Variants in NAV2 observed in about 807,000 individuals in gnomAD.
NAV2 encodes neuron navigator 2, also known as helicase, APC down-regulated 1.
A neutral mutation model predicts 223.2 loss-of-function variants in NAV2; 54 were observed. The ratio of observed to expected loss-of-function variants is 0.24; its 90% confidence interval spans 0.19 to 0.30. The LOEUF (loss-of-function observed/expected upper bound fraction) is 0.30. NAV2 is among the 10% of genes least tolerant of loss of function. The probability of loss-of-function intolerance (pLI) is 1.00; values close to 1 mark genes in which losing one functional copy is unlikely to be tolerated. For synonymous variants in NAV2, 1,279 were observed against 1,239.3 expected (o/e 1.03, Z -0.67); for missense variants, 2,806 against 3,147.5 (o/e 0.89, Z 2.60).
intron 1 of NAV2, among the ~76,000 whole-genome samples, chr11:19,728,031 G>A (rs1203194272): frequency 6.6e-6 from 1 of 152,240 alleles, no homozygotes; most frequent in Admixed American, 6.5e-5. Context: ...ACCTGGTCCT[G>A]AGCAGGGACA....
At chr11:19,614,106 C>G (rs1175805721) in intron 1 of NAV2, among the ~76,000 whole-genome samples, 1 of 152,120 alleles carries the variant, frequency 6.6e-6, no homozygotes, top group Non-Finnish European at 1.5e-5. Flanking sequence ...TGTGGTCTTA[C>G]CCTTGGTGGA....
In NAV2 at chr11:19,933,973, C is replaced by T. The variant is rs140693265; in HGVS notation, c.1729C>T (p.Pro577Ser). 6,199 of 1,597,100 alleles carry T rather than the reference C, an allele frequency of 3.9e-3. 18 individuals carry two copies. Among genetic ancestry groups the T allele is most frequent in the Non-Finnish European group, 4.9e-3 (5,743 of 1,173,292 alleles). ...AATGAAAAGCATGCCCGGGAAATCCCCAAGTGCCCCAGCGCCTTCCAAGGA... is the reference window on the plus strand; with the variant it reads ...AATGAAAAGCATGCCCGGGAAATCCTCAAGTGCCCCAGCGCCTTCCAAGGA... ...PGMKSMPGKS[P>S]SAPAPSKEGE... Residue 577 changes from proline to serine, a missense_variant, in exon 7 of 38, where the codon CCA becomes TCA. Pro to Ser is a moderately conservative substitution (Grantham distance 74). This residue lies in a region of NAV2 where 1,167 missense variants were observed against 1,180.5 expected (regional missense o/e 0.99). Coordinates refer to ENST00000349880, the MANE Select transcript of NAV2 (RefSeq NM_145117.5). The surrounding 1 kb of genome is among the most constrained non-coding windows in gnomAD (Gnocchi z 4.3).
At chr11:19,859,765 G>A (rs1381605101) in intron 3 of NAV2, among the ~76,000 whole-genome samples, 1 of 150,232 alleles carries the variant, frequency 6.7e-6, no homozygotes, top group Admixed American at 6.6e-5. Flanking sequence ...TGGCCGGGTG[G>A]GGGGCTGACC....
intron 1 of NAV2, among the ~76,000 whole-genome samples, chr11:19,733,004 G>A (rs1201271501): frequency 1.3e-5 from 2 of 152,238 alleles, no homozygotes; most frequent in Admixed American, 1.3e-4. Flanking sequence ...GAACACAAAA[G>A]CAGCTTTGAA....
intron 7 of NAV2, among the ~76,000 whole-genome samples, chr11:19,937,132 T>C (rs1345796084): frequency 6.6e-6 from 1 of 152,192 alleles, no homozygotes; most frequent in Non-Finnish European, 1.5e-5. Flanking sequence ...AACGAGACTG[T>C]CTCAAAAACA....
intron 1 of NAV2, among the ~76,000 whole-genome samples, chr11:19,727,037 C>T (rs2051312201): frequency 6.6e-6 from 1 of 152,166 alleles, no homozygotes; most frequent in East Asian, 1.9e-4. Flanking sequence ...TTCCGAAATC[C>T]ATAGCTACTC....
At chr11:19,667,457 G>A (rs7350533) in intron 1 of NAV2, among the ~76,000 whole-genome samples, 112,032 of 152,178 alleles carry the variant, frequency 0.74, 45,896 homozygotes, top group Non-Finnish European at 0.91. Flanking sequence ...GGTGTGCTTT[G>A]GGGGCACGAG....
intron 1 of NAV2, among the ~76,000 whole-genome samples, chr11:19,827,817 G>A (rs1429699721): frequency 6.6e-6 from 1 of 152,230 alleles, no homozygotes; most frequent in Non-Finnish European, 1.5e-5. Flanking sequence ...AAAGTGGGAA[G>A]TGTTTGCTCC....
At chr11:19,788,424 A>G (rs1157631035) in intron 1 of NAV2, among the ~76,000 whole-genome samples, 1 of 152,138 alleles carries the variant, frequency 6.6e-6, no homozygotes, top group African/African-American at 2.4e-5. Context: ...ATTCATCCTA[A>G]TAGCAAATGC....
intron 1 of NAV2, among the ~76,000 whole-genome samples, chr11:19,594,773 G>T (rs1270390884): frequency 2.0e-5 from 3 of 152,198 alleles, no homozygotes; most frequent in South Asian, 4.2e-4. Context: ...TGAGCAGCGT[G>T]CTTAACTTTG....
chr11:19,751,118 A>G (rs962141071), intron 1 of NAV2, among the ~76,000 whole-genome samples: 1 of 152,202 alleles, frequency 6.6e-6, no homozygotes, highest in Non-Finnish European at 1.5e-5. Flanking sequence ...AAATGCTACA[A>G]ATCAGAGCAT....
chr11:19,713,843 A>G lies in NAV2; in HGVS notation c.148A>G (p.Thr50Ala). The change falls in exon 1 of 38, where the codon ACC becomes GCC. Residue 50 changes from threonine (T) to alanine (A), a missense_variant. Thr to Ala is a moderately conservative substitution (Grantham distance 58). Coordinates refer to ENST00000349880, the MANE Select transcript of NAV2 (RefSeq NM_145117.5). This position sits in a 1 kb window ranked among gnomAD's most constrained non-coding sequence, Gnocchi z 7.2. The part of the protein sequence containing the change: ...KLGSKVEVSK[T>A]TYPSQIPLKS... Reference sequence around the variant, plus strand: ...GGGAAGCAAGGTGGAGGTGAGCAAGACCACCTATCCTAGCCAGATCCCCCT... The same window carrying G: ...GGGAAGCAAGGTGGAGGTGAGCAAGGCCACCTATCCTAGCCAGATCCCCCT... The G allele has an allele frequency of 6.2e-7, 1 of 1,613,490 alleles. No homozygotes were observed. The highest frequency in any genetic ancestry group is 8.5e-7 in the Non-Finnish European group (1 of 1,179,876).
chr11:20,094,783 A>G (rs1381178294), intron 29 of NAV2, among the ~76,000 whole-genome samples: 1 of 152,246 alleles, frequency 6.6e-6, no homozygotes, highest in African/African-American at 2.4e-5. Context: ...GGGTCAGATC[A>G]TGTCACTGCA....
At chr11:19,971,001 G>A (rs1048245727) in intron 10 of NAV2, among the ~76,000 whole-genome samples, 13 of 152,158 alleles carry the variant, frequency 8.5e-5, no homozygotes, top group Non-Finnish European at 1.5e-4. Context: ...CAAGTGGGAG[G>A]TGGGGGAGAT....
intron 1 of NAV2, among the ~76,000 whole-genome samples, chr11:19,609,265 C>A (rs1346453740): frequency 6.6e-6 from 1 of 152,076 alleles, no homozygotes; most frequent in Non-Finnish European, 1.5e-5. Flanking sequence ...AGCCATTTAT[C>A]TTACTACTAA....
intron 1 of NAV2, among the ~76,000 whole-genome samples, chr11:19,832,075 G>T (rs1354394934): frequency 2.0e-5 from 3 of 152,134 alleles, no homozygotes; most frequent in Non-Finnish European, 2.9e-5. Flanking sequence ...GATGCCTGTT[G>T]GGTGGTAACC....
chr11:19,647,837 G>C (rs939481825), intron 1 of NAV2, among the ~76,000 whole-genome samples: 5 of 152,184 alleles, frequency 3.3e-5, no homozygotes, highest in Non-Finnish European at 5.9e-5. Context: ...CTGCTTCAGA[G>C]GTTTAAAAGT....
chr11:19,491,253 T>A (rs2042616537), intron 1 of NAV2, among the ~76,000 whole-genome samples: 1 of 152,164 alleles, frequency 6.6e-6, no homozygotes, highest in Admixed American at 6.5e-5. Context: ...AGCTCGTCCT[T>A]TGAAGATTTG....
At chr11:19,585,765 G>A (rs1319585812) in intron 1 of NAV2, among the ~76,000 whole-genome samples, 1 of 152,164 alleles carries the variant, frequency 6.6e-6, no homozygotes, top group Admixed American at 6.5e-5. Context: ...AGTCTGATGG[G>A]CTTCCCTTTG....
Sources: allele counts gnomAD v4.1 joint callset (sites outside exome capture counted in the v4.1 genomes callset), GRCh38; gene constraint gnomAD v4.1.1; regional missense constraint gnomAD v4.1.1; non-coding constraint Gnocchi (gnomAD v3.1); transcripts MANE v1.5; gene names NCBI Gene and HGNC (gene_info 2026-07-23, HGNC 2026-07-21).